The following KRT75 variants were observed in gnomAD, a reference collection of about 807,000 sequenced individuals.
KRT75 encodes the protein keratin, type II cytoskeletal 75.
A neutral mutation model predicts 48.8 loss-of-function variants in KRT75; 35 were observed. The observed-to-expected ratio is 0.72, with a 90% confidence interval of 0.55 to 0.95. The LOEUF is 0.95. Among genes scored for constraint, KRT75 ranks in the 40% least tolerant of loss-of-function variants. The pLI is 0.00. For synonymous variants in KRT75, 301 were observed against 282.3 expected, an observed-to-expected ratio of 1.07 and a Z score of -0.66; for missense variants, 776 against 709.9, an observed-to-expected ratio of 1.09 and a Z score of -1.06.
In KRT75 at chr12:52,433,962, C is replaced by A. The variant is rs748576441; in HGVS notation, c.343G>T (p.Val115Leu). 1 of 1,614,006 alleles carries A rather than the reference C, an allele frequency of 6.2e-7. No homozygotes were observed. Among genetic ancestry groups the A allele is most frequent in the Admixed American group, 1.7e-5 (1 of 60,008 alleles). Residue 115 changes from valine (V) to leucine (L), a missense_variant, in exon 1 of 9, where the codon GTG becomes TTG. Physicochemically the swap from Val to Leu is conservative, Grantham distance 32. Transcript: ENST00000252245. ...TCTTGGATGCCTCCAGGGGGACACA[C>A]GGGGAAGCTGGGGCCACTGAAGCCT... is the stretch of plus-strand genomic sequence containing the variant. ...GGGFSGPSFP[V>L]CPPGGIQEVT...
At position 52,434,319 on chromosome 12, in the gene KRT75, GC is replaced by G. The variant is rs779362614; in HGVS notation, c.-16del. ...TGCCGAGACATGGTGGGTGAGGAAGGCCGGCGAGAAGGCACCTGAGGTGGGC... is the reference window on the plus strand; with the variant it reads ...TGCCGAGACATGGTGGGTGAGGAAGGCGGCGAGAAGGCACCTGAGGTGGGC... On this transcript the variant is annotated 5_prime_UTR_variant, in exon 1 of 9. Transcript: ENST00000252245. The G allele has an allele frequency of 1.3e-6, 2 of 1,582,366 alleles. No individual in the cohort carries two copies. The highest frequency in any genetic ancestry group is 1.1e-5 in the South Asian group (1 of 87,744).
chr12:52,432,718 G>A (rs1244699575), intron 2 of KRT75, among the ~76,000 whole-genome samples: 2 of 152,164 alleles, frequency 1.3e-5, no homozygotes, highest in Non-Finnish European at 2.9e-5. Flanking sequence ...CAATAATTGA[G>A]CCCATGTCCA....
chr12:52,426,958 T>C, intron 7 of KRT75, 107 bp from the exon 8 acceptor site: 1 of 893,912 alleles, frequency 1.1e-6, no homozygotes, highest in Non-Finnish European at 1.8e-6. Context: ...AAACATACTT[T>C]ATTATTTTTA....
intron 7 of KRT75, among the ~76,000 whole-genome samples, chr12:52,427,215 G>GT (rs1325155036): frequency 6.6e-6 from 1 of 152,226 alleles, no homozygotes; most frequent in African/African-American, 2.4e-5. Context: ...AGGGACCATT[G>GT]TCATGCACTG....
At chr12:52,433,491 G>A (rs888918740) in intron 1 of KRT75, among the ~76,000 whole-genome samples, 1 of 151,718 alleles carries the variant, frequency 6.6e-6, no homozygotes, top group Admixed American at 6.5e-5. Context: ...CTGCTCTTGG[G>A]TTAAGTTTCT....
intron 4 of KRT75, among the ~76,000 whole-genome samples, chr12:52,431,119 G>A (rs1022210275): frequency 2.0e-5 from 3 of 151,940 alleles, no homozygotes; most frequent in Non-Finnish European, 4.4e-5. Context: ...TCTGCCTTTG[G>A]AGGGGTAGCG....
intron 1 of KRT75, 120 bp downstream of exon 1, chr12:52,433,687 G>A: frequency 1.3e-6 from 2 of 1,488,254 alleles, no homozygotes; most frequent in Non-Finnish European, 1.9e-6. Flanking sequence ...GGGAGCCCGT[G>A]CTGAACAGTG....
rs756385906 is a variant in KRT75, at chr12:52,424,586, T to TA, written c.1586dup (p.Leu529PhefsTer7). The TA allele has an allele frequency of 1.9e-6, 3 of 1,614,046 alleles. No individual in the cohort carries two copies. In the African/African-American group the frequency reaches 4.0e-5, roughly 22 times the overall value. ...ACTTGACGCTAGAACCACTGCCCCC[T>TA]AAGCCCCGGTTGCTGGTGGCACTGA... On this transcript the variant is annotated frameshift_variant, in exon 9 of 9. Coordinates refer to ENST00000252245, the MANE Select transcript of KRT75 (RefSeq NM_004693.3). LOFTEE classifies it high-confidence loss of function.
At chr12:52,431,292 A>G (rs1428901164) in intron 4 of KRT75, among the ~76,000 whole-genome samples, 1 of 151,262 alleles carries the variant, frequency 6.6e-6, no homozygotes, top group African/African-American at 2.4e-5. Flanking sequence ...GGGAATCAGT[A>G]CTCTCTCCTT....
At chr12:52,430,749 A>T (rs1359616410) in intron 4 of KRT75, 44 bp from the exon 5 acceptor site, 11 of 1,608,510 alleles carry the variant, frequency 6.8e-6, no homozygotes, top group Middle Eastern at 1.6e-4. Context: ...TAAGATGAAG[A>T]ATCTTAAATC....
Position 52,428,267 on chromosome 12 carries a change from G to A in KRT75, c.1371C>T (p.Gly457=), listed in dbSNP as rs751316207. 43 of 1,613,876 alleles carry A rather than the reference G, an allele frequency of 2.7e-5. No individual in the cohort carries two copies. The highest frequency in any genetic ancestry group is 3.2e-5 in the Non-Finnish European group (38 of 1,180,040). ...EIATYRKLLE[G]EECRLSGEGV... ...TGCATCTGCCTCACCTGCACTCCTC[G>A]CCTTCCAGCAGCTTGCGGTAGGTGG... The change falls in exon 7 of 9, where the codon GGC becomes GGT. Residue 457 remains glycine (G), a synonymous_variant. Coordinates refer to ENST00000252245, the MANE Select transcript of KRT75 (RefSeq NM_004693.3).
rs1260800291 is a variant in KRT75, at chr12:52,430,538, C to T, written c.1035+3G>A. ...AACCTCTCATGGAGGTGTCCATGCTCACCTTGGTCTGGTACCAGGACTCAG... is the reference window on the plus strand; with the variant it reads ...AACCTCTCATGGAGGTGTCCATGCTTACCTTGGTCTGGTACCAGGACTCAG... On this transcript the variant is annotated splice_donor_region_variant and intron_variant, in intron 5 of 8. Transcript: ENST00000252245. The T allele has an allele frequency of 1.2e-6, 2 of 1,614,104 alleles. No individual in the cohort carries two copies. The highest frequency in any genetic ancestry group is 1.7e-5 in the Admixed American group (1 of 60,030).
At chr12:52,433,738 C>G (rs559407904) in intron 1 of KRT75, 69 bp downstream of exon 1, 96 of 1,608,972 alleles carry the variant, frequency 6.0e-5, no homozygotes, top group Admixed American at 1.8e-4. Context: ...TGCTCTCCCC[C>G]CATGGGATGG....
At chr12:52,430,980 G>C (rs926866776) in intron 4 of KRT75, among the ~76,000 whole-genome samples, 1 of 152,180 alleles carries the variant, frequency 6.6e-6, no homozygotes, top group Non-Finnish European at 1.5e-5. Flanking sequence ...AATGTGACAC[G>C]TGTCTGTTCA....
rs771694794 is a variant in KRT75 at position 52,434,139 on chromosome 12, T to G, written c.166A>C (p.Ser56Arg). ...TTGTAGAGGCTGCGGCTTCCAAAGC[T>G]GGCCCCAGCACTGCTGATCCTTCCC... ...GLGRISSAGASFGSRSLYNLG... is the reference protein window; with the variant it reads ...GLGRISSAGARFGSRSLYNLG... The change falls in exon 1 of 9, where the codon AGC (serine) becomes CGC (arginine). Residue 56 changes from serine to arginine, a missense_variant. Physicochemically the swap from Ser to Arg is moderately radical, Grantham distance 110 (BLOSUM62 -1). Transcript: ENST00000252245. The G allele has an allele frequency of 6.2e-7, 1 of 1,614,108 alleles. No homozygotes were observed. The highest frequency in any genetic ancestry group is 2.2e-5 in the East Asian group (1 of 44,872).
At position 52,433,221 on chromosome 12, in the gene KRT75, A is replaced by T. The variant is rs1940169677; in HGVS notation, c.530T>A (p.Leu177Gln). 1.2e-6 allele frequency: 2 copies of T among 1,614,026 alleles called. No individual in the cohort carries two copies. Among genetic ancestry groups the T allele is most frequent in the Admixed American group, 3.3e-5 (2 of 60,000 alleles). The change falls in exon 2 of 9, where the codon CTG becomes CAG. Residue 177 changes from leucine to glutamine, a missense_variant. Coordinates refer to ENST00000252245, the MANE Select transcript of KRT75 (RefSeq NM_004693.3). ...CTGCAGGAGGGCCCACTTGGTCTCC[A>T]GGACCTTGTTCTGCTGCTCCAAGAA... ...VRFLEQQNKV[L>Q]ETKWALLQEQ...
chr12:52,432,855 G>A (rs1173592008), intron 2 of KRT75, among the ~76,000 whole-genome samples, 183 bp downstream of exon 2: 1 of 152,196 alleles, frequency 6.6e-6, no homozygotes, highest in Non-Finnish European at 1.5e-5. Context: ...GATCTTCATA[G>A]CAATACACAA....
In KRT75 at chr12:52,433,094, G is replaced by A; in HGVS notation, c.657C>T (p.Gly219=). The A allele has an allele frequency of 1.9e-6, 3 of 1,613,990 alleles. No homozygotes were observed. The highest frequency in any genetic ancestry group is 2.5e-6 in the Non-Finnish European group (3 of 1,180,006). The part of the protein sequence containing the change: ...RQLESITTER[G]RLEAELRNMQ... ...TGTTCCTCAGTTCAGCTTCAAGCCT[G>A]CCCCTCTCGGTGGTGATGCTTTCCA... is the stretch of plus-strand genomic sequence containing the variant. Residue 219 remains glycine, a synonymous_variant, in exon 2 of 9, where the codon GGC becomes GGT. Transcript: ENST00000252245.
Position 52,433,934 on chromosome 12 carries a change from A to T in KRT75, c.371T>A (p.Val124Asp), listed in dbSNP as rs767786882. Residue 124 changes from valine (V) to aspartate (D), a missense_variant, in exon 1 of 9, where the codon GTC (valine) becomes GAC (aspartate). Physicochemically the swap from Val to Asp is radical, Grantham distance 152 (BLOSUM62 -3). Transcript: ENST00000252245. ...PVCPPGGIQE[V>D]TVNQSLLTPL... ...AGTCAGGAGACTCTGGTTGACAGTG[A>T]CCTCTTGGATGCCTCCAGGGGGACA... The T allele has an allele frequency of 6.2e-7, 1 of 1,613,918 alleles. No homozygotes were observed. The highest frequency in any genetic ancestry group is 1.3e-5 in the African/African-American group (1 of 74,870).
Sources: gnomAD v4.1 joint callset for allele counts (sites outside exome capture counted in the v4.1 genomes callset) on GRCh38, gnomAD v4.1.1 for gene constraint, MANE v1.5 for transcripts, NCBI Gene and HGNC (gene_info 2026-07-23, HGNC 2026-07-21) for gene names.